The following RP1 variants were observed in gnomAD, a reference collection of about 807,000 sequenced individuals.
RP1 encodes oxygen-regulated protein 1.
A neutral mutation model predicts 14.8 loss-of-function variants in RP1; 16 were observed. The ratio of observed to expected loss-of-function variants is 1.08; its 90% confidence interval spans 0.73 to 1.65. The LOEUF is 1.65. Ranked by LOEUF, RP1 falls within the 40% of genes most tolerant of loss-of-function variation. RP1 has a pLI of 0.00. For missense variants in RP1, 2,631 were observed against 2,535.0 expected (o/e 1.04, Z -0.81); for synonymous variants, 876 against 883.6 (o/e 0.99, Z 0.15).
chr8:54,778,512 A>G (rs1485049671), intron 23 of RP1, among the ~76,000 whole-genome samples: 3 of 151,796 alleles, frequency 2.0e-5, no homozygotes, highest in African/African-American at 7.3e-5. Context: ...TTTAGTAGAG[A>G]CGGAGTTTCA....
At chr8:54,672,732 A>T (rs1807205769) in intron 7 of RP1, among the ~76,000 whole-genome samples, 2 of 152,278 alleles carry the variant, frequency 1.3e-5, no homozygotes, top group South Asian at 4.1e-4. Flanking sequence ...ATATGCATGT[A>T]ATATTTAACT....
chr8:54,831,939 A>G (rs1028234383), intron 24 of RP1, among the ~76,000 whole-genome samples: 1 of 151,838 alleles, frequency 6.6e-6, no homozygotes, highest in East Asian at 1.9e-4. Context: ...CTTCAGTTTG[A>G]CAATGTTCAT....
chr8:54,573,560 T>C (rs574535052), intron 1 of RP1, among the ~76,000 whole-genome samples: 2 of 152,284 alleles, frequency 1.3e-5, no homozygotes, highest in Admixed American at 6.5e-5. Flanking sequence ...AATATAAGAA[T>C]TCTTAGATTT....
At position 54,628,708 on chromosome 8, in the gene RP1, A is replaced by G; in HGVS notation, c.4826A>G (p.Asp1609Gly). Reference protein sequence around the residue: ...DSEQPYKTSSDDPNDSGELTQ... With the variant: ...DSEQPYKTSSGDPNDSGELTQ... ...GAGCAGCCATATAAAACATCCAGTG[A>G]TGATCCCAATGACAGTGGCGAACTT... is the stretch of plus-strand genomic sequence containing the variant. The change falls in exon 4 of 4, where the codon GAT (aspartate) becomes GGT (glycine). Residue 1609 changes from aspartate (D) to glycine (G), a missense_variant. By Grantham distance (94) the Asp-to-Gly change is moderately conservative (BLOSUM62 -1). Transcript: ENST00000220676. 6.2e-7 allele frequency: 1 copy of G among 1,614,080 alleles called. No homozygotes were observed. Among genetic ancestry groups the G allele is most frequent in the Non-Finnish European group, 8.5e-7 (1 of 1,179,942 alleles).
At chr8:54,826,341 TATC>T (rs1331334461) in intron 24 of RP1, among the ~76,000 whole-genome samples, 2 of 152,214 alleles carry the variant, frequency 1.3e-5, no homozygotes, top group African/African-American at 4.8e-5. Flanking sequence ...TTGTCTGCAT[TATC>T]ATTGCCACCT....
At chr8:54,562,258 G>A (rs932159825) in intron 1 of RP1, among the ~76,000 whole-genome samples, 2 of 152,148 alleles carry the variant, frequency 1.3e-5, no homozygotes, top group African/African-American at 2.4e-5. Flanking sequence ...CATTAAAAAA[G>A]GAAAGACTGA....
chr8:54,847,762 T>A (rs1429777357), intron 25 of RP1, among the ~76,000 whole-genome samples: 4 of 152,386 alleles, frequency 2.6e-5, no homozygotes, highest in African/African-American at 9.6e-5. Context: ...ACTTTCCTGC[T>A]ACCACTGTCT....
intron 21 of RP1, among the ~76,000 whole-genome samples, chr8:54,756,534 A>G (rs1809510904): frequency 6.6e-6 from 1 of 152,230 alleles, no homozygotes; most frequent in South Asian, 2.1e-4. Context: ...TTTCATCAGA[A>G]TGAATAGGAA....
chr8:54,665,720 G>A (rs433881), intron 7 of RP1, among the ~76,000 whole-genome samples: 37,943 of 151,972 alleles, frequency 0.25, 5,126 homozygotes, highest in East Asian at 0.42. Context: ...TGGGTCAGCT[G>A]GAGACTTGTT....
intron 3 of RP1, among the ~76,000 whole-genome samples, chr8:54,647,189 G>A (rs894470045): frequency 4.6e-5 from 7 of 152,230 alleles, no homozygotes; most frequent in African/African-American, 1.7e-4. Flanking sequence ...GCCAAGGTGG[G>A]TGGATCATTT....
chr8:54,597,035 T>C (rs1352697163), intron 1 of RP1, among the ~76,000 whole-genome samples: 2 of 152,142 alleles, frequency 1.3e-5, no homozygotes, highest in African/African-American at 2.4e-5. Context: ...CAGTTCTGAT[T>C]ATGTCATTTC....
chr8:54,816,624 C>T (rs1468615341), intron 24 of RP1, among the ~76,000 whole-genome samples: 1 of 152,192 alleles, frequency 6.6e-6, no homozygotes, highest in Non-Finnish European at 1.5e-5. Flanking sequence ...CTTCTCTTGC[C>T]CAGACTCATG....
chr8:54,685,729 A>G (rs1807547893), intron 12 of RP1, among the ~76,000 whole-genome samples: 1 of 152,136 alleles, frequency 6.6e-6, no homozygotes, highest in Non-Finnish European at 1.5e-5. Flanking sequence ...GTGGCCCAAG[A>G]CAATTCTTCC....
intron 24 of RP1, among the ~76,000 whole-genome samples, chr8:54,797,976 C>T: frequency 6.8e-6 from 1 of 147,506 alleles, no homozygotes; most frequent in East Asian, 2.0e-4. Flanking sequence ...ACTGGCTATA[C>T]ATATAGCAGG....
At chr8:54,616,377 A>G (rs894129836) in intron 1 of RP1, among the ~76,000 whole-genome samples, 175 bp downstream of exon 1, 1 of 152,250 alleles carries the variant, frequency 6.6e-6, no homozygotes, top group Admixed American at 6.5e-5. Context: ...AACCTTCACA[A>G]TATGCTGATA....
At chr8:54,706,107 A>G (rs1056300902) in intron 14 of RP1, among the ~76,000 whole-genome samples, 3 of 152,130 alleles carry the variant, frequency 2.0e-5, no homozygotes, top group Non-Finnish European at 4.4e-5. Context: ...CTCTTATAGC[A>G]TATTTTTATT....
intron 7 of RP1, among the ~76,000 whole-genome samples, chr8:54,666,836 T>G (rs902905244): frequency 5.9e-5 from 9 of 152,128 alleles, no homozygotes; most frequent in African/African-American, 1.9e-4. Context: ...GATTTTCAAA[T>G]GCCAAGCCCC....
In RP1 at chr8:54,609,445, C is replaced by T. The variant is rs893155482; in HGVS notation, c.-12-11510C>T. ...CTCCAGCCTGTGTGACAGAGCAAAA[C>T]CTTGTCTTAAACAAACCAAAAGAAA... is the stretch of plus-strand genomic sequence containing the variant. On this transcript the variant is annotated intron_variant, in intron 1 of 22. Transcript: ENST00000636932. Among the ~76,000 whole-genome samples the T allele has an allele frequency of 2.6e-5, 4 of 152,138 alleles. No homozygotes were observed. In the East Asian group the frequency reaches 5.8e-4, roughly 22 times the overall value.
intron 3 of RP1, among the ~76,000 whole-genome samples, chr8:54,636,473 C>T (rs891110780): frequency 1.3e-5 from 2 of 152,220 alleles, no homozygotes; most frequent in African/African-American, 4.8e-5. Context: ...CATGGTGGCT[C>T]ACGCCTGTAA....
Sources: gnomAD v4.1 joint callset for allele counts (sites outside exome capture counted in the v4.1 genomes callset) on GRCh38, gnomAD v4.1.1 for gene constraint, MANE v1.5 for transcripts, NCBI Gene and HGNC (gene_info 2026-07-23, HGNC 2026-07-21) for gene names.